The following LRRFIP1 variants were observed in gnomAD, a reference collection of about 807,000 sequenced individuals.
LRRFIP1 encodes leucine-rich repeat flightless-interacting protein 1.
In LRRFIP1, 62 loss-of-function variants were observed where a neutral mutation model predicts 104.4. That is an observed-to-expected ratio of 0.59 (90% CI 0.48 to 0.73). The LOEUF is 0.73. Among genes scored for constraint, LRRFIP1 ranks in the 30% least tolerant of loss-of-function variants. The pLI, the probability that LRRFIP1 is intolerant of heterozygous loss-of-function variation, is 0.00. For synonymous variants in LRRFIP1, 300 were observed against 299.0 expected, an observed-to-expected ratio of 1.00 and a Z score of -0.03; for missense variants, 796 against 824.5, an observed-to-expected ratio of 0.97 and a Z score of 0.42.
At chr2:237,683,051 C>T (rs529998533) in intron 1 of LRRFIP1, among the ~76,000 whole-genome samples, 8 of 152,322 alleles carry the variant, frequency 5.3e-5, no homozygotes, top group African/African-American at 1.9e-4. Flanking sequence ...GAGCCAGGAA[C>T]GCGGCTAGCC....
At chr2:237,697,078 A>G (rs772059508) in intron 1 of LRRFIP1, among the ~76,000 whole-genome samples, 5 of 152,236 alleles carry the variant, frequency 3.3e-5, no homozygotes, top group Middle Eastern at 3.4e-3. Context: ...CTGGAATGCA[A>G]TGGCACAATC....
chr2:237,713,356 G>T (rs1327782592), intron 2 of LRRFIP1, among the ~76,000 whole-genome samples: 1 of 152,196 alleles, frequency 6.6e-6, no homozygotes, highest in Non-Finnish European at 1.5e-5. Context: ...TAATGGATTT[G>T]TTAGGGGAGA....
rs200515993 is a variant in LRRFIP1 at position 237,779,483 on chromosome 2, G to A, written c.1874G>A (p.Arg625His). ...GTGAGCAACGGCCACTTAGTGAAGC[G>A]TCTGGAAAAAATGAAAGCAAATCGG... is the stretch of plus-strand genomic sequence containing the variant. ...LEVSNGHLVK[R>H]LEKMKANRSA... The change falls in exon 24 of 24, where the codon CGT becomes CAT. Residue 625 changes from arginine (R) to histidine (H), a missense_variant. Physicochemically the swap from Arg to His is conservative, Grantham distance 29. Coordinates refer to ENST00000308482, the MANE Select transcript of LRRFIP1 (RefSeq NM_001137550.2). The A allele has an allele frequency of 2.2e-5, 36 of 1,613,812 alleles. No homozygotes were observed. The highest frequency in any genetic ancestry group is 1.0e-4 in the Admixed American group (6 of 60,022).
intron 1 of LRRFIP1, chr2:237,692,215 C>A: frequency 9.2e-7 from 1 of 1,084,508 alleles, no homozygotes; most frequent in Non-Finnish European, 1.1e-6. Context: ...GCCCTTCCAC[C>A]CCGAGCCCGA....
intron 19 of LRRFIP1, chr2:237,764,246 T>C (rs1261915909): frequency 1.2e-5 from 19 of 1,606,568 alleles, no homozygotes; most frequent in South Asian, 8.9e-5. Context: ...AGAGAGGCAC[T>C]GTATGACAAT....
At chr2:237,713,297 T>C (rs886598148) in intron 2 of LRRFIP1, among the ~76,000 whole-genome samples, 24 of 152,314 alleles carry the variant, frequency 1.6e-4, no homozygotes, top group African/African-American at 5.8e-4. Context: ...CACTACAGCT[T>C]ACTCTAGCTG....
At chr2:237,723,041 CCTT>C (rs1232464137) in intron 6 of LRRFIP1, among the ~76,000 whole-genome samples, 6 of 152,172 alleles carry the variant, frequency 3.9e-5, no homozygotes, top group African/African-American at 1.2e-4. Flanking sequence ...AAAACACAGG[CCTT>C]CTTCATTTAG....
At chr2:237,715,780 C>G (rs550513596) in intron 3 of LRRFIP1, among the ~76,000 whole-genome samples, 2 of 152,218 alleles carry the variant, frequency 1.3e-5, no homozygotes, top group Non-Finnish European at 2.9e-5. Context: ...GCATGGCTTC[C>G]GGATCATGGT....
chr2:237,695,998 A>G (rs1463925674), intron 1 of LRRFIP1, among the ~76,000 whole-genome samples: 1 of 119,682 alleles, frequency 8.4e-6, no homozygotes, highest in Non-Finnish European at 1.9e-5. Flanking sequence ...CACACCTGGC[A>G]ACAGAAATTA....
chr2:237,717,886 A>G lies in LRRFIP1; in HGVS notation c.249+77A>G. On this transcript the variant is annotated intron_variant, in intron 4 of 23. Coordinates refer to ENST00000308482, the MANE Select transcript of LRRFIP1 (RefSeq NM_001137550.2). This position sits in a 1 kb window ranked among gnomAD's most constrained non-coding sequence, Gnocchi z 4.2. ...AGTGTTGAGACTTAAATGGTTTATAATGTAATTCTTACGCAGTTTAACTAT... is the reference window on the plus strand; with the variant it reads ...AGTGTTGAGACTTAAATGGTTTATAGTGTAATTCTTACGCAGTTTAACTAT... The G allele has an allele frequency of 9.0e-7, 1 of 1,106,480 alleles. No individual in the cohort carries two copies. 68.5% of individuals were successfully genotyped at this position (1,106,480 alleles called of 1,614,324 possible).
intron 6 of LRRFIP1, among the ~76,000 whole-genome samples, chr2:237,723,182 G>T (rs1295533729): frequency 6.6e-6 from 1 of 152,104 alleles, no homozygotes; most frequent in Admixed American, 6.6e-5. Context: ...AGATTTTCTG[G>T]AAAATCTAGA....
Position 237,780,516 on chromosome 2 carries a change from G to A in LRRFIP1, c.*984G>A, listed in dbSNP as rs535117813. Among the ~76,000 whole-genome samples, 1 of 152,282 alleles carries A rather than the reference G, an allele frequency of 6.6e-6. No individual in the cohort carries two copies. Among genetic ancestry groups the A allele is most frequent in the African/African-American group, 2.4e-5 (1 of 41,552 alleles). On this transcript the variant is annotated 3_prime_UTR_variant, in exon 24 of 24. Transcript: ENST00000308482. Reference sequence around the variant, plus strand: ...TGAAGGAGGAGGTAACAGTAGAGACGATGGCAATATCATCAAGGACAAAAG... The same window carrying A: ...TGAAGGAGGAGGTAACAGTAGAGACAATGGCAATATCATCAAGGACAAAAG...
intron 1 of LRRFIP1, among the ~76,000 whole-genome samples, chr2:237,651,125 A>G (rs2149391837): frequency 6.6e-6 from 1 of 152,340 alleles, no homozygotes; most frequent in Non-Finnish European, 1.5e-5. Flanking sequence ...AAATTGTCAA[A>G]CATACCCCAA....
chr2:237,691,436 G>C lies in LRRFIP1; in HGVS notation c.97-17108G>C, dbSNP rs2092744359. Among the ~76,000 whole-genome samples the C allele has an allele frequency of 6.6e-6, 1 of 152,198 alleles. No homozygotes were observed. The highest frequency in any genetic ancestry group is 1.5e-5 in the Non-Finnish European group (1 of 68,032). On this transcript the variant is annotated intron_variant, in intron 1 of 23. Transcript: ENST00000308482. The surrounding 1 kb of genome is among the most constrained non-coding windows in gnomAD (Gnocchi z 5.4). Reference sequence around the variant, plus strand: ...TCTGCGACGCCAGATCGGCCCCAGCGGCCCGCACCCGCACCCTGCAAGCTC... The same window carrying C: ...TCTGCGACGCCAGATCGGCCCCAGCCGCCCGCACCCGCACCCTGCAAGCTC...
At chr2:237,641,510 A>C (rs974074396) in intron 1 of LRRFIP1, among the ~76,000 whole-genome samples, 66 of 152,040 alleles carry the variant, frequency 4.3e-4, no homozygotes, top group African/African-American at 1.5e-3. Context: ...AAAAAAAAAA[A>C]AAAAATTGTG....
intron 3 of LRRFIP1, among the ~76,000 whole-genome samples, chr2:237,715,271 G>A: frequency 6.6e-6 from 1 of 152,162 alleles, no homozygotes; most frequent in East Asian, 1.9e-4. Context: ...TGCTTGACTA[G>A]TGTTTCCAGG....
chr2:237,658,281 A>G (rs1328344422), intron 1 of LRRFIP1, among the ~76,000 whole-genome samples: 1 of 152,228 alleles, frequency 6.6e-6, no homozygotes, highest in Non-Finnish European at 1.5e-5. Context: ...CTACTGAGAA[A>G]CCAAAACTTT....
chr2:237,629,943 A>G (rs2082117490), intron 1 of LRRFIP1, among the ~76,000 whole-genome samples: 1 of 152,144 alleles, frequency 6.6e-6, no homozygotes, highest in Admixed American at 6.5e-5. Context: ...CAGCTGTGCC[A>G]TCCTAGGAAG....
intron 7 of LRRFIP1, among the ~76,000 whole-genome samples, chr2:237,726,932 C>T (rs908299415): frequency 1.1e-4 from 16 of 152,086 alleles, no homozygotes; most frequent in African/African-American, 3.6e-4. Flanking sequence ...CTGGAGGACA[C>T]ATTATGAAAT....
Sources: gnomAD v4.1 joint callset for allele counts (sites outside exome capture counted in the v4.1 genomes callset) on GRCh38, gnomAD v4.1.1 for gene constraint, Gnocchi (gnomAD v3.1) non-coding constraint, MANE v1.5 for transcripts, NCBI Gene and HGNC (gene_info 2026-07-23, HGNC 2026-07-21) for gene names.